The following CRB1 variants were observed in gnomAD, a reference collection of about 807,000 sequenced individuals.
CRB1 encodes crumbs cell polarity complex component 1.
Under a neutral mutation model 120.0 loss-of-function variants are expected in CRB1, and 83 were observed. The observed-to-expected ratio is 0.69, with a 90% CI of 0.58 to 0.83. The LOEUF is 0.83. Among genes scored for constraint, CRB1 ranks in the 40% least tolerant of loss-of-function variants. CRB1 has a pLI of 0.00. For missense variants in CRB1, 1,699 were observed against 1,687.6 expected, an observed-to-expected ratio of 1.01 and a Z score of -0.12; for synonymous variants, 625 against 612.5, an observed-to-expected ratio of 1.02 and a Z score of -0.30.
chr1:197,307,952 G>A (rs1328450113), intron 1 of CRB1, among the ~76,000 whole-genome samples: 1 of 152,114 alleles, frequency 6.6e-6, no homozygotes, highest in Non-Finnish European at 1.5e-5. Flanking sequence ...ATACCTCAAA[G>A]AGAATAAATC....
intron 5 of CRB1, chr1:197,357,356 A>C (rs1298599500): frequency 1.2e-5 from 4 of 346,160 alleles, no homozygotes; most frequent in Middle Eastern, 9.3e-4. Flanking sequence ...ATTTTATGTT[A>C]TTCAAATTTG....
intron 5 of CRB1, among the ~76,000 whole-genome samples, chr1:197,368,387 G>A (rs1017193337): frequency 2.6e-5 from 4 of 152,086 alleles, no homozygotes; most frequent in Non-Finnish European, 5.9e-5. Flanking sequence ...CCTTTACCAT[G>A]CATGTTAATT....
intron 1 of CRB1, among the ~76,000 whole-genome samples, chr1:197,286,450 A>G (rs1029141963): frequency 6.6e-6 from 1 of 151,928 alleles, no homozygotes; most frequent in Non-Finnish European, 1.5e-5. Context: ...TGTTATTCCC[A>G]CTAAACCACC....
intron 2 of CRB1, among the ~76,000 whole-genome samples, chr1:197,331,152 C>T (rs1047706541): frequency 6.6e-6 from 1 of 151,144 alleles, no homozygotes; most frequent in Non-Finnish European, 1.5e-5. Flanking sequence ...AGCCAGTCTC[C>T]GTCTCAAAAA....
chr1:197,254,815 T>C, the CRB1 span, among the ~76,000 whole-genome samples: 4 of 152,126 alleles, frequency 2.6e-5, no homozygotes, highest in East Asian at 7.7e-4. Flanking sequence ...TATTTGTGTT[T>C]CTCCTATAAT....
intron 5 of CRB1, among the ~76,000 whole-genome samples, chr1:197,396,500 A>G (rs535801202): frequency 6.6e-6 from 1 of 152,242 alleles, no homozygotes; most frequent in Non-Finnish European, 1.5e-5. Context: ...GGAAAGCCAA[A>G]GGAAATAAAA....
chr1:197,434,824 A>G lies in CRB1; in HGVS notation c.2961A>G (p.Val987=). The change falls in exon 9 of 12, where the codon GTA becomes GTG. Residue 987 remains valine (V), a synonymous_variant. Transcript: ENST00000367400. ...GTTTCAGAACAAGGGATGCAAATGT[A>G]ATAATATTGCATGCAGAAAAAGAGC... ...TFGFRTRDAN[V]IILHAEKEPE... is the part of the protein sequence containing the mutation. 1 of 1,613,816 alleles carries G rather than the reference A, an allele frequency of 6.2e-7. No homozygotes were observed. The highest frequency in any genetic ancestry group is 8.5e-7 in the Non-Finnish European group (1 of 1,179,760).
chr1:197,244,413 TA>T, the CRB1 span, among the ~76,000 whole-genome samples: 1 of 152,034 alleles, frequency 6.6e-6, no homozygotes, highest in Non-Finnish European at 1.5e-5. Flanking sequence ...GTTTCATCCT[TA>T]AAATATTTTT....
the CRB1 span, chr1:197,222,744 G>A: frequency 1.1e-5 from 10 of 938,208 alleles, no homozygotes; most frequent in African/African-American, 1.5e-4. Context: ...GAACAATGGA[G>A]TTGACTTGCT....
chr1:197,364,204 A>G (rs927249664), intron 5 of CRB1: 1 of 427,636 alleles, frequency 2.3e-6, no homozygotes, highest in Non-Finnish European at 4.1e-6. Flanking sequence ...CAGTTCTGCA[A>G]TAAACTCAGT....
At chr1:197,368,022 T>C (rs1266893979) in intron 5 of CRB1, among the ~76,000 whole-genome samples, 1 of 152,176 alleles carries the variant, frequency 6.6e-6, no homozygotes, top group Non-Finnish European at 1.5e-5. Context: ...AGTCAAATCC[T>C]GTCACTTTAC....
At chr1:197,356,161 C>T (rs1240119578) in intron 4 of CRB1, among the ~76,000 whole-genome samples, 2 of 152,218 alleles carry the variant, frequency 1.3e-5, no homozygotes, top group African/African-American at 2.4e-5. Context: ...GCAGATAATA[C>T]AGTTCCAGTT....
chr1:197,258,564 A>T, the CRB1 span, among the ~76,000 whole-genome samples: 32 of 152,280 alleles, frequency 2.1e-4, no homozygotes, highest in African/African-American at 7.7e-4. Context: ...CTGCAGCATT[A>T]CCACTGTTCA....
At chr1:197,469,130 G>A (rs1225441001) in intron 11 of CRB1, among the ~76,000 whole-genome samples, 1 of 152,126 alleles carries the variant, frequency 6.6e-6, no homozygotes, top group East Asian at 1.9e-4. Context: ...CAAGGTGGGC[G>A]GATAGCTTGA....
intron 6 of CRB1, among the ~76,000 whole-genome samples, chr1:197,422,414 T>C (rs1664383513): frequency 6.6e-6 from 1 of 152,156 alleles, no homozygotes. Context: ...CTTGCTCTCC[T>C]TTCCATGCAA....
intron 5 of CRB1, among the ~76,000 whole-genome samples, chr1:197,419,479 C>T (rs1192298076): frequency 6.6e-6 from 1 of 151,754 alleles, no homozygotes; most frequent in Non-Finnish European, 1.5e-5. Context: ...TGTCCTGCCT[C>T]AGCCTTCAGA....
chr1:197,469,368 TA>T (rs575352555), intron 11 of CRB1, among the ~76,000 whole-genome samples: 16 of 151,968 alleles, frequency 1.1e-4, no homozygotes, highest in Non-Finnish European at 2.4e-4. Context: ...CTGGAGGAAA[TA>T]AAAGTGTGTA....
At chr1:197,350,403 G>A (rs957764432) in intron 4 of CRB1, among the ~76,000 whole-genome samples, 2 of 152,204 alleles carry the variant, frequency 1.3e-5, no homozygotes, top group African/African-American at 4.8e-5. Flanking sequence ...GGGCAACTAT[G>A]TAGCAAATTC....
chr1:197,410,882 T>A (rs917754855), intron 5 of CRB1, among the ~76,000 whole-genome samples: 5 of 152,178 alleles, frequency 3.3e-5, no homozygotes, highest in African/African-American at 4.8e-5. Context: ...AAACATACTG[T>A]CTCCCAAGAC....
Sources: allele counts gnomAD v4.1 joint callset (sites outside exome capture counted in the v4.1 genomes callset), GRCh38; gene constraint gnomAD v4.1.1; transcripts MANE v1.5; gene names NCBI Gene and HGNC (gene_info 2026-07-23, HGNC 2026-07-21).